Variants in FNDC3B observed in about 807,000 individuals in gnomAD.
FNDC3B encodes fibronectin type III domain-containing protein 3B.
FNDC3B carries 12 observed loss-of-function variants against 151.5 expected under a neutral mutation model. That is an observed-to-expected ratio of 0.08 (90% CI 0.05 to 0.13). The LOEUF (loss-of-function observed/expected upper bound fraction) is 0.13, where lower values mean the gene tolerates loss of function less well. FNDC3B is among the 10% of genes least tolerant of loss of function. The pLI is 1.00. For synonymous variants in FNDC3B, 528 were observed against 549.0 expected (o/e 0.96, Z 0.54); for missense variants, 1,214 against 1,505.3 (o/e 0.81, Z 3.20).
rs564488409 is a variant in FNDC3B, at chr3:172,313,819, A to C, written c.1254+2938A>C. ...CAATGAGAATTCAAGCAGTAGTAAC[A>C]AGTTCATTCCTGCCCATCCTGTCAT... On this transcript the variant is annotated intron_variant, in intron 11 of 25. Transcript: ENST00000415807. 2.6e-5 allele frequency among the ~76,000 whole-genome samples: 4 copies of C among 152,318 alleles called. No homozygotes were observed. The East Asian group carries it at 7.7e-4, about 29-fold the overall frequency.
rs371434617 is a variant in FNDC3B, at chr3:172,144,325, A to G, written c.187+10779A>G. Among the ~76,000 whole-genome samples the G allele has an allele frequency of 4.5e-4, 69 of 152,308 alleles. 1 individual carries two copies. In the South Asian group the frequency reaches 0.014, roughly 32 times the overall value. On this transcript the variant is annotated intron_variant, in intron 3 of 25. Transcript: ENST00000415807. ...TCACCTCCCAGCAGGCCCCACCTCCAACGTTGGGAGTCACATCTCAGTGTG... is the reference window on the plus strand; with the variant it reads ...TCACCTCCCAGCAGGCCCCACCTCCGACGTTGGGAGTCACATCTCAGTGTG...
chr3:172,347,101 A>C, intron 20 of FNDC3B, 111 bp from the exon 21 acceptor site: 1 of 914,984 alleles, frequency 1.1e-6, no homozygotes, highest in Non-Finnish European at 1.6e-6. Context: ...TATGTATTTG[A>C]AATATTCTGG....
intron 23 of FNDC3B, among the ~76,000 whole-genome samples, chr3:172,371,841 C>A (rs533773675): frequency 6.4e-4 from 98 of 152,318 alleles, no homozygotes; most frequent in Admixed American, 3.9e-3. Context: ...GGATGCCATT[C>A]TGAGGACTCC....
chr3:172,156,919 A>T (rs1180528783), intron 3 of FNDC3B, among the ~76,000 whole-genome samples: 1 of 152,168 alleles, frequency 6.6e-6, no homozygotes, highest in South Asian at 2.1e-4. Flanking sequence ...TCCGGTCTGC[A>T]TGGTGACATG....
At chr3:172,218,932 AAGACG>A (rs1677082689) in intron 3 of FNDC3B, among the ~76,000 whole-genome samples, 1 of 152,210 alleles carries the variant, frequency 6.6e-6, no homozygotes, top group South Asian at 2.1e-4. Context: ...ACCTTGAAAG[AAGACG>A]AGTTTGCCAG....
In FNDC3B at chr3:172,040,373, C is replaced by T. The variant is rs1018086005; in HGVS notation, c.-29+602C>T. On this transcript the variant is annotated intron_variant, in intron 1 of 25. Coordinates refer to ENST00000415807, the MANE Select transcript of FNDC3B (RefSeq NM_022763.4). This position sits in a 1 kb window ranked among gnomAD's most constrained non-coding sequence, Gnocchi z 6.6. ...ACCCGGGGATGCTCGCGGGGAGGGTCCCGAGCCCGCGCCGGCCTGGCCCCC... is the reference window on the plus strand; with the variant it reads ...ACCCGGGGATGCTCGCGGGGAGGGTTCCGAGCCCGCGCCGGCCTGGCCCCC... Among the ~76,000 whole-genome samples the T allele has an allele frequency of 6.6e-6, 1 of 151,824 alleles. No individual in the cohort carries two copies. Among genetic ancestry groups the T allele is most frequent in the Non-Finnish European group, 1.5e-5 (1 of 67,886 alleles).
chr3:172,315,148 G>A (rs1002967923), intron 11 of FNDC3B, among the ~76,000 whole-genome samples: 25 of 152,166 alleles, frequency 1.6e-4, no homozygotes, highest in Non-Finnish European at 3.5e-4. Flanking sequence ...AGGCCCAGAC[G>A]GGTGGATTGC....
Position 172,353,090 on chromosome 3 carries a change from G to T in FNDC3B, c.2795+7G>T. 6.2e-7 allele frequency: 1 copy of T among 1,611,836 alleles called. No homozygotes were observed. On this transcript the variant is annotated splice_region_variant and intron_variant, in intron 22 of 25. Coordinates refer to ENST00000415807, the MANE Select transcript of FNDC3B (RefSeq NM_022763.4). ...TTCCAGAAACCACCTACCGGTGAGTGCAAGGGAGTAGAAATCTGCATCAGC... is the reference window on the plus strand; with the variant it reads ...TTCCAGAAACCACCTACCGGTGAGTTCAAGGGAGTAGAAATCTGCATCAGC...
intron 22 of FNDC3B, among the ~76,000 whole-genome samples, chr3:172,354,968 G>A (rs566154596): frequency 6.6e-6 from 1 of 150,384 alleles, no homozygotes; most frequent in South Asian, 2.1e-4. Flanking sequence ...CACCTCTCTA[G>A]TAAATGTACT....
chr3:172,251,612 T>G, intron 6 of FNDC3B, 71 bp downstream of exon 6: 4 of 1,377,494 alleles, frequency 2.9e-6, no homozygotes, highest in Non-Finnish European at 3.9e-6. Flanking sequence ...TTTCCACATC[T>G]TTTACATGAG....
intron 1 of FNDC3B, among the ~76,000 whole-genome samples, chr3:172,094,510 A>G (rs1386575727): frequency 6.6e-6 from 1 of 152,198 alleles, no homozygotes; most frequent in East Asian, 1.9e-4. Flanking sequence ...GAATGTATCC[A>G]TAAAATGGAT....
chr3:172,119,373 T>G (rs1720424193), intron 2 of FNDC3B, among the ~76,000 whole-genome samples: 1 of 114,718 alleles, frequency 8.7e-6, no homozygotes, highest in South Asian at 2.9e-4. Flanking sequence ...AGGAGCAAAA[T>G]GTGGCCTACC....
intron 1 of FNDC3B, among the ~76,000 whole-genome samples, chr3:172,041,871 C>T (rs756536565): frequency 2.0e-5 from 3 of 151,952 alleles, no homozygotes; most frequent in Non-Finnish European, 2.9e-5. Context: ...CAGCTGTTAA[C>T]GAGGATAAAG....
intron 3 of FNDC3B, among the ~76,000 whole-genome samples, chr3:172,213,045 A>C (rs1725809744): frequency 6.6e-6 from 1 of 151,964 alleles, no homozygotes. Flanking sequence ...CCATGAAATT[A>C]TTTCCTTCCT....
intron 5 of FNDC3B, 86 bp downstream of exon 5, chr3:172,247,862 A>G: frequency 6.9e-7 from 1 of 1,443,004 alleles, no homozygotes; most frequent in Non-Finnish European, 9.6e-7. Flanking sequence ...TTTCTTGTGA[A>G]ATAAGCATAG....
intron 4 of FNDC3B, among the ~76,000 whole-genome samples, chr3:172,240,420 T>C (rs1727436956): frequency 6.6e-6 from 1 of 152,224 alleles, no homozygotes; most frequent in Non-Finnish European, 1.5e-5. Flanking sequence ...CTAACTCCTT[T>C]CTGGTAGAGG....
chr3:172,214,393 T>G (rs1725876537), intron 3 of FNDC3B, among the ~76,000 whole-genome samples: 1 of 152,176 alleles, frequency 6.6e-6, no homozygotes, highest in African/African-American at 2.4e-5. Flanking sequence ...ACTTAGAGGA[T>G]TTTTATTAAC....
chr3:172,339,750 C>T (rs1465546351), intron 16 of FNDC3B, among the ~76,000 whole-genome samples: 3 of 152,192 alleles, frequency 2.0e-5, no homozygotes, highest in Non-Finnish European at 2.9e-5. Flanking sequence ...CCCTTCTGGA[C>T]TTCCAGTTAA....
intron 1 of FNDC3B, among the ~76,000 whole-genome samples, chr3:172,094,457 C>T (rs1424315930): frequency 6.6e-6 from 1 of 152,162 alleles, no homozygotes; most frequent in Non-Finnish European, 1.5e-5. Context: ...TTTCAGGGCT[C>T]ATCTATGCTG....
Sources: allele counts gnomAD v4.1 joint callset (sites outside exome capture counted in the v4.1 genomes callset), GRCh38; gene constraint gnomAD v4.1.1; non-coding constraint Gnocchi (gnomAD v3.1); transcripts MANE v1.5; gene names NCBI Gene and HGNC (gene_info 2026-07-23, HGNC 2026-07-21).